Variants in CABLES1 observed in about 807,000 individuals in gnomAD.
CABLES1 encodes CDK5 and ABL1 enzyme substrate 1.
CABLES1 carries 36 observed loss-of-function variants against 57.8 expected under a neutral mutation model. The observed-to-expected ratio is 0.62, with a 90% CI of 0.48 to 0.82. CABLES1 has a LOEUF of 0.82. CABLES1 is among the 40% of genes least tolerant of loss of function. The pLI is 0.00. For synonymous variants in CABLES1, 374 were observed against 363.0 expected (o/e 1.03, Z -0.35); for missense variants, 767 against 836.6 (o/e 0.92, Z 1.03).
chr18:23,199,260 C>A (rs1044223072), intron 3 of CABLES1, among the ~76,000 whole-genome samples: 2 of 151,942 alleles, frequency 1.3e-5, no homozygotes, highest in Non-Finnish European at 2.9e-5. Context: ...GTGCAGACAC[C>A]GTGGGAAAGT....
Position 23,135,839 on chromosome 18 carries a change from G to A in CABLES1, c.77G>A (p.Ser26Asn), listed in dbSNP as rs2046814572. ...GCCGGCACCGACGCCGCGGGCGCCA[G>A]CGGATTGCAGCAGCCGCCGCCGCAG... ...GSAGTDAAGA[S>N]GLQQPPPQPQ... The change falls in exon 1 of 10, where the codon AGC becomes AAC. Residue 26 changes from serine (S) to asparagine (N), a missense_variant. Around this residue, in one of 4 missense-constraint regions of CABLES1, gnomAD observed 198 missense variants for 149.7 expected, o/e 1.32. Transcript: ENST00000256925. The A allele has an allele frequency of 2.6e-5, 26 of 982,494 alleles. No homozygotes were observed. The highest frequency in any genetic ancestry group is 3.1e-5 in the Non-Finnish European group (26 of 825,944). The allele number at this position is 982,494 out of a possible 1,614,324, so 60.9% of individuals were successfully genotyped here.
chr18:23,150,876 A>G (rs995014708), intron 1 of CABLES1, among the ~76,000 whole-genome samples: 2 of 151,966 alleles, frequency 1.3e-5, no homozygotes, highest in East Asian at 1.9e-4. Context: ...TGTTGCAGGA[A>G]GAAGGCCAGG....
At chr18:23,176,937 G>A (rs957725025) in intron 1 of CABLES1, among the ~76,000 whole-genome samples, 1 of 152,080 alleles carries the variant, frequency 6.6e-6, no homozygotes, top group Non-Finnish European at 1.5e-5. Context: ...GTAAACACCA[G>A]CTTGGATGTG....
rs569565124 is a variant in CABLES1 at position 23,169,079 on chromosome 18, G to T, written c.846-19759G>T. ...GCTAAATCCCACCAAAACCAAAATGGCCACTAGAGTGACCTCTGGTCATCC... is the reference window on the plus strand; with the variant it reads ...GCTAAATCCCACCAAAACCAAAATGTCCACTAGAGTGACCTCTGGTCATCC... On this transcript the variant is annotated intron_variant, in intron 1 of 9. Coordinates refer to ENST00000256925, the MANE Select transcript of CABLES1 (RefSeq NM_001100619.3). 2.6e-5 allele frequency among the ~76,000 whole-genome samples: 4 copies of T among 152,212 alleles called. No homozygotes were observed. In the East Asian group the frequency reaches 5.8e-4, roughly 22 times the overall value.
At chr18:23,207,997 A>G (rs1394631425) in intron 3 of CABLES1, among the ~76,000 whole-genome samples, 1 of 152,168 alleles carries the variant, frequency 6.6e-6, no homozygotes, top group Non-Finnish European at 1.5e-5. Flanking sequence ...CCCTGGCTCC[A>G]GATGCCCTGT....
At chr18:23,245,372 G>A (rs938147222) in intron 7 of CABLES1, among the ~76,000 whole-genome samples, 10 of 152,046 alleles carry the variant, frequency 6.6e-5, no homozygotes, top group South Asian at 2.1e-4. Context: ...ATAGCCAGGC[G>A]TGGTGGCGTG....
intron 1 of CABLES1, among the ~76,000 whole-genome samples, chr18:23,186,441 C>G (rs2047203302): frequency 3.4e-5 from 5 of 148,694 alleles, no homozygotes; most frequent in Admixed American, 2.0e-4. Flanking sequence ...TTTTTTTTCC[C>G]CAAGACGGAG....
chr18:23,252,833 G>T lies in CABLES1; in HGVS notation c.1447-127G>T, dbSNP rs1487404054. 6 of 624,826 alleles carry T rather than the reference G, an allele frequency of 9.6e-6. No individual in the cohort carries two copies. In the East Asian group the frequency reaches 1.8e-4, roughly 19 times the overall value. 38.7% of individuals were successfully genotyped at this position (624,826 alleles called of 1,614,324 possible). ...TCCTGGATTCCGCCGAGCCCTTGTT[G>T]TAGCTCCAATGCAAGTTTTCCCGTT... On this transcript the variant is annotated intron_variant, in intron 7 of 9. Coordinates refer to ENST00000256925, the MANE Select transcript of CABLES1 (RefSeq NM_001100619.3).
intron 1 of CABLES1, among the ~76,000 whole-genome samples, chr18:23,179,519 T>G (rs1291201132): frequency 6.6e-6 from 1 of 152,186 alleles, no homozygotes; most frequent in Non-Finnish European, 1.5e-5. Context: ...GTGTGCCCAG[T>G]GCTCAGAGGT....
At chr18:23,257,137 A>G (rs528851301) in intron 9 of CABLES1, 90 bp from the exon 10 acceptor site, 1 of 1,449,036 alleles carries the variant, frequency 6.9e-7, no homozygotes, top group East Asian at 2.3e-5. Flanking sequence ...CTGAGCACTC[A>G]CTGGCTGGTG....
intron 4 of CABLES1, among the ~76,000 whole-genome samples, chr18:23,220,597 G>T (rs1046487585): frequency 6.6e-6 from 1 of 152,190 alleles, no homozygotes; most frequent in African/African-American, 2.4e-5. Flanking sequence ...GGGGCTGGGT[G>T]TGCTGGCTCG....
At chr18:23,234,447 C>T (rs2145081742) in intron 4 of CABLES1, among the ~76,000 whole-genome samples, 161 bp from the exon 5 acceptor site, 1 of 152,362 alleles carries the variant, frequency 6.6e-6, no homozygotes, top group Middle Eastern at 3.4e-3. Flanking sequence ...AACAAGGCAT[C>T]ACTGGCAAGC....
At chr18:23,159,622 G>A (rs1381637939) in intron 1 of CABLES1, among the ~76,000 whole-genome samples, 1 of 152,140 alleles carries the variant, frequency 6.6e-6, no homozygotes, top group Non-Finnish European at 1.5e-5. Flanking sequence ...GAGGCGACGG[G>A]ACGAGATACA....
chr18:23,242,309 A>G (rs1216321521), intron 7 of CABLES1, among the ~76,000 whole-genome samples: 1 of 152,126 alleles, frequency 6.6e-6, no homozygotes, highest in Non-Finnish European at 1.5e-5. Context: ...AGGTGTGCAA[A>G]ACAAATTGCA....
At chr18:23,187,250 A>G (rs575301785) in intron 1 of CABLES1, among the ~76,000 whole-genome samples, 1 of 152,340 alleles carries the variant, frequency 6.6e-6, no homozygotes, top group South Asian at 2.1e-4. Flanking sequence ...GAGTGAAACT[A>G]CAGTTTCTGT....
At chr18:23,157,103 A>G (rs1331210625) in intron 1 of CABLES1, among the ~76,000 whole-genome samples, 1 of 152,136 alleles carries the variant, frequency 6.6e-6, no homozygotes, top group African/African-American at 2.4e-5. Flanking sequence ...AATTTTAGCA[A>G]GTAGGACTGG....
At chr18:23,221,011 G>A (rs1438286245) in intron 4 of CABLES1, among the ~76,000 whole-genome samples, 2 of 152,076 alleles carry the variant, frequency 1.3e-5, no homozygotes, top group Non-Finnish European at 2.9e-5. Flanking sequence ...CTGCCAGCTC[G>A]AGTCTCCCTG....
chr18:23,252,660 C>A (rs1279959455), intron 7 of CABLES1, among the ~76,000 whole-genome samples: 16 of 152,178 alleles, frequency 1.1e-4, no homozygotes, highest in Admixed American at 9.2e-4. Flanking sequence ...TGTGAACAGG[C>A]TGACACCTGG....
At chr18:23,193,812 T>A (rs905823232) in intron 2 of CABLES1, among the ~76,000 whole-genome samples, 17 of 152,256 alleles carry the variant, frequency 1.1e-4, no homozygotes, top group African/African-American at 2.2e-4. Flanking sequence ...ATAAAAATTT[T>A]AAAAAAACTT....
Sources: allele counts gnomAD v4.1 joint callset (sites outside exome capture counted in the v4.1 genomes callset), GRCh38; gene constraint gnomAD v4.1.1; regional missense constraint gnomAD v4.1.1; transcripts MANE v1.5; gene names NCBI Gene and HGNC (gene_info 2026-07-23, HGNC 2026-07-21).